Variants in SLF1 observed in about 807,000 individuals in gnomAD.
SLF1 encodes the protein SMC5-SMC6 complex localization factor protein 1.
A neutral mutation model predicts 123.0 loss-of-function variants in SLF1; 105 were observed. That is an observed-to-expected ratio of 0.85 (90% CI 0.73 to 1.00). The LOEUF is 1.00. Among genes scored for constraint, SLF1 ranks in the 50% least tolerant of loss-of-function variants. The probability of loss-of-function intolerance (pLI) is 0.00; values close to 1 mark genes in which losing one functional copy is unlikely to be tolerated. For missense variants in SLF1, 1,239 were observed against 1,223.0 expected (o/e 1.01, Z -0.20); for synonymous variants, 434 against 406.6 (o/e 1.07, Z -0.81).
intron 5 of SLF1, among the ~76,000 whole-genome samples, chr5:94,647,515 T>A (rs2152476652): frequency 1.3e-5 from 2 of 152,188 alleles, no homozygotes; most frequent in Middle Eastern, 3.4e-3. Context: ...TACTCCTAGA[T>A]AATAGAATAG....
intron 6 of SLF1, among the ~76,000 whole-genome samples, 158 bp downstream of exon 6, chr5:94,649,755 T>C (rs1415096990): frequency 6.6e-6 from 1 of 152,240 alleles, no homozygotes; most frequent in African/African-American, 2.4e-5. Context: ...GAAATTGTCC[T>C]ATGTCTCTGG....
At chr5:94,661,562 T>C (rs1408657395) in intron 9 of SLF1, among the ~76,000 whole-genome samples, 2 of 149,464 alleles carry the variant, frequency 1.3e-5, no homozygotes, top group Non-Finnish European at 1.5e-5. Flanking sequence ...TGAGACCGGG[T>C]CTAGCTCTGT....
chr5:94,628,182 G>A (rs1438774663), intron 1 of SLF1, among the ~76,000 whole-genome samples: 1 of 151,226 alleles, frequency 6.6e-6, no homozygotes, highest in East Asian at 2.0e-4. Flanking sequence ...GTCTTGCTCT[G>A]TCACCCAGGC....
intron 15 of SLF1, 121 bp downstream of exon 15, chr5:94,679,076 G>T: frequency 7.3e-6 from 8 of 1,095,140 alleles, no homozygotes; most frequent in African/African-American, 1.6e-5. Flanking sequence ...AATAGTTATG[G>T]ATGCACGCAC....
At chr5:94,679,277 C>G (rs748812751) in intron 15 of SLF1, among the ~76,000 whole-genome samples, 2 of 152,124 alleles carry the variant, frequency 1.3e-5, no homozygotes, top group Non-Finnish European at 2.9e-5. Flanking sequence ...AGACTTCCCC[C>G]CACATACATT....
chr5:94,629,573 A>T (rs577166748), intron 3 of SLF1: 1 of 154,256 alleles, frequency 6.5e-6, no homozygotes, highest in Non-Finnish European at 1.4e-5. Context: ...TTATGAAGCA[A>T]TGGTCATACT....
chr5:94,678,993 C>T, intron 15 of SLF1, 38 bp downstream of exon 15: 1 of 1,595,878 alleles, frequency 6.3e-7, no homozygotes. Context: ...CAGACCCATT[C>T]TGGAAATTAG....
At position 94,695,503 on chromosome 5, in the gene SLF1, A is replaced by G. The variant is rs1028173061; in HGVS notation, c.*191A>G. ...CTAGTATGGGCTTCTGACTTTTTCC[A>G]GGGTGTAGAATTTGACTCAAAAGTA... On this transcript the variant is annotated 3_prime_UTR_variant, in exon 21 of 21. Coordinates refer to ENST00000265140, the MANE Select transcript of SLF1 (RefSeq NM_032290.4). 4 of 489,316 alleles carry G rather than the reference A, an allele frequency of 8.2e-6. No homozygotes were observed. The highest frequency in any genetic ancestry group is 3.7e-5 in the East Asian group (1 of 26,782). 30.3% of individuals were successfully genotyped at this position (489,316 alleles called of 1,614,324 possible).
chr5:94,645,873 G>T (rs1746972597), intron 5 of SLF1, among the ~76,000 whole-genome samples: 2 of 152,144 alleles, frequency 1.3e-5, no homozygotes, highest in Admixed American at 1.3e-4. Context: ...TCAGTGTCTT[G>T]CTTTTCTTCA....
At chr5:94,674,222 AATG>A (rs1170686161) in intron 14 of SLF1, among the ~76,000 whole-genome samples, 1 of 152,158 alleles carries the variant, frequency 6.6e-6, no homozygotes, top group Non-Finnish European at 1.5e-5. Flanking sequence ...AAAACAATAA[AATG>A]ATGTTGTCAC....
At chr5:94,672,608 A>G (rs748319199) in intron 14 of SLF1, among the ~76,000 whole-genome samples, 1 of 151,828 alleles carries the variant, frequency 6.6e-6, no homozygotes, top group East Asian at 1.9e-4. Flanking sequence ...TGTCCAGTAT[A>G]TTGTTAAACA....
At position 94,678,797 on chromosome 5, in the gene SLF1, C is replaced by G; in HGVS notation, c.1828-11C>G. On this transcript the variant is annotated splice_polypyrimidine_tract_variant and intron_variant, in intron 14 of 20. Transcript: ENST00000265140. Reference sequence around the variant, plus strand: ...ATATATTTTAGTAATTTTTTTGTATCTTAATGTTAGGTCTTCAAACATGAA... The same window carrying G: ...ATATATTTTAGTAATTTTTTTGTATGTTAATGTTAGGTCTTCAAACATGAA... 1.2e-6 allele frequency: 2 copies of G among 1,603,446 alleles called. No homozygotes were observed. The highest frequency in any genetic ancestry group is 1.7e-6 in the Non-Finnish European group (2 of 1,173,410).
chr5:94,649,881 C>CT (rs1435838268), intron 6 of SLF1, among the ~76,000 whole-genome samples: 1 of 152,082 alleles, frequency 6.6e-6, no homozygotes, highest in African/African-American at 2.4e-5. Flanking sequence ...AGGTAACTTA[C>CT]TTATGTTTAG....
intron 1 of SLF1, among the ~76,000 whole-genome samples, chr5:94,627,417 T>C (rs1400750367): frequency 6.6e-6 from 1 of 151,958 alleles, no homozygotes; most frequent in African/African-American, 2.4e-5. Flanking sequence ...AATTGTATTC[T>C]GATGAGAAAT....
intron 20 of SLF1, among the ~76,000 whole-genome samples, chr5:94,694,304 T>TGAAC (rs755319750): frequency 1.6e-4 from 25 of 152,038 alleles, no homozygotes; most frequent in Non-Finnish European, 3.1e-4. Context: ...GTAATTTGTG[T>TGAAC]GAACCAGTTA....
At chr5:94,634,719 G>A (rs1585114957) in intron 4 of SLF1, among the ~76,000 whole-genome samples, 1 of 152,154 alleles carries the variant, frequency 6.6e-6, no homozygotes, top group East Asian at 1.9e-4. Flanking sequence ...CCCTTTTCTC[G>A]ATACCTTCAC....
At chr5:94,686,852 A>T in intron 16 of SLF1, 134 bp downstream of exon 16, 1 of 1,033,666 alleles carries the variant, frequency 9.7e-7, no homozygotes, top group Non-Finnish European at 1.3e-6. Context: ...CAGTGGCGCA[A>T]TCGCGGCTCA....
At chr5:94,669,309 T>A (rs1014221925) in intron 12 of SLF1, among the ~76,000 whole-genome samples, 8 of 152,054 alleles carry the variant, frequency 5.3e-5, no homozygotes, top group Admixed American at 2.6e-4. Flanking sequence ...TACTAAGGAC[T>A]CTCCTGAGAA....
At chr5:94,681,845 A>G (rs182628901) in intron 15 of SLF1, among the ~76,000 whole-genome samples, 19 of 152,282 alleles carry the variant, frequency 1.2e-4, no homozygotes, top group South Asian at 1.2e-3. Flanking sequence ...GTTGATGTTT[A>G]ACCTTTGTCA....
Sources: gnomAD v4.1 joint callset for allele counts (sites outside exome capture counted in the v4.1 genomes callset) on GRCh38, gnomAD v4.1.1 for gene constraint, MANE v1.5 for transcripts, NCBI Gene and HGNC (gene_info 2026-07-23, HGNC 2026-07-21) for gene names.